Variants in OXCT1 observed in about 807,000 individuals in gnomAD.
OXCT1 encodes the protein 3-oxoacid CoA-transferase 1, also known as succinyl-CoA:3-ketoacid coenzyme A transferase 1, mitochondrial.
OXCT1 carries 27 observed loss-of-function variants against 69.6 expected under a neutral mutation model. The ratio of observed to expected loss-of-function variants is 0.39; its 90% CI spans 0.29 to 0.54. The LOEUF (loss-of-function observed/expected upper bound fraction) is 0.54, where lower values mean the gene tolerates loss of function less well. Among genes scored for constraint, OXCT1 ranks in the 20% least tolerant of loss-of-function variants. The probability of loss-of-function intolerance (pLI) is 0.72; values close to 1 mark genes in which losing one functional copy is unlikely to be tolerated. For missense variants in OXCT1, 437 were observed against 650.2 expected (o/e 0.67, Z 3.57); for synonymous variants, 202 against 217.8 (o/e 0.93, Z 0.64).
chr5:41,821,679 A>G (rs1283648313), intron 7 of OXCT1, among the ~76,000 whole-genome samples: 1 of 152,166 alleles, frequency 6.6e-6, no homozygotes. Context: ...TAGGTTTGCA[A>G]TTCCCTAATG....
In OXCT1 at chr5:41,840,466, T is replaced by C. The variant is rs374056102; in HGVS notation, c.717A>G (p.Glu239=). 1.9e-5 allele frequency: 31 copies of C among 1,612,902 alleles called. No individual in the cohort carries two copies. The highest frequency in any genetic ancestry group is 1.6e-4 in the East Asian group (7 of 44,822). The change falls in exon 7 of 17, where the codon GAA becomes GAG. Residue 239 remains glutamate (E), a synonymous_variant. Coordinates refer to ENST00000196371, the MANE Select transcript of OXCT1 (RefSeq NM_000436.4). ...AACCTCTTACCTCTACCACTGTGGT[T>C]TCTGCAGCTTTGCACATTGGCAAGT... The part of the protein sequence containing the change: ...NFNLPMCKAA[E]TTVVEVEEIV...
chr5:41,837,290 GTTCT>G (rs1748411296), intron 7 of OXCT1, among the ~76,000 whole-genome samples: 1 of 148,610 alleles, frequency 6.7e-6, no homozygotes, highest in South Asian at 2.2e-4. Flanking sequence ...TGAGCTAAGA[GTTCT>G]TTATTTAAGA....
intron 4 of OXCT1, among the ~76,000 whole-genome samples, chr5:41,852,925 G>A (rs760250421): frequency 1.9e-4 from 29 of 152,084 alleles, no homozygotes; most frequent in Admixed American, 1.0e-3. Flanking sequence ...GTAGCTGGGC[G>A]TGGTGGCACA....
In OXCT1 at chr5:41,731,736, G is replaced by A. The variant is rs1333324680; in HGVS notation, c.1556C>T (p.Ala519Val). Residue 519 changes from alanine (A) to valine (V), a missense_variant, in exon 17 of 17, where the codon GCA becomes GTA. Physicochemically the swap from Ala to Val is moderately conservative, Grantham distance 64. Transcript: ENST00000196371. Reference protein sequence around the residue: ...SPKLMPMQQIAN With the variant: ...SPKLMPMQQIVN ...GGTACAAATATCCATATTTCAATTT[G>A]CGATCTGCTGCATTGGCATGAGTTT... 2 of 1,608,752 alleles carry A rather than the reference G, an allele frequency of 1.2e-6. No individual in the cohort carries two copies. The highest frequency in any genetic ancestry group is 1.7e-6 in the Non-Finnish European group (2 of 1,177,496).
chr5:41,838,274 G>A lies in OXCT1; in HGVS notation c.732+2177C>T, dbSNP rs565641169. Among the ~76,000 whole-genome samples, 125 of 152,254 alleles carry A rather than the reference G, an allele frequency of 8.2e-4. 1 individual carries two copies. The highest frequency in any genetic ancestry group is 2.9e-3 in the African/African-American group (121 of 41,540). ...AAAGCCAAAACAGAGTTTCACATCA[G>A]AAAATGCCCAATCTAGGCACTAACC... On this transcript the variant is annotated intron_variant, in intron 7 of 16. Coordinates refer to ENST00000196371, the MANE Select transcript of OXCT1 (RefSeq NM_000436.4).
intron 13 of OXCT1, 64 bp downstream of exon 13, chr5:41,793,939 C>T (rs1746051669): frequency 1.0e-6 from 1 of 966,322 alleles, no homozygotes; most frequent in Non-Finnish European, 1.7e-6. Context: ...GGCCCTTTTT[C>T]TTAGTATTTA....
At chr5:41,849,409 C>T (rs1482955978) in intron 5 of OXCT1, among the ~76,000 whole-genome samples, 2 of 152,176 alleles carry the variant, frequency 1.3e-5, no homozygotes, top group African/African-American at 4.8e-5. Context: ...TTGAAATTTT[C>T]TCCAACCTGA....
At chr5:41,821,602 C>G (rs1747554220) in intron 7 of OXCT1, among the ~76,000 whole-genome samples, 1 of 152,210 alleles carries the variant, frequency 6.6e-6, no homozygotes, top group African/African-American at 2.4e-5. Flanking sequence ...TTTACATCCT[C>G]GTCAGCATTT....
At position 41,807,420 on chromosome 5, in the gene OXCT1, T is replaced by A; in HGVS notation, c.751A>T (p.Ile251Phe). The change falls in exon 8 of 17, where the codon ATT (isoleucine) becomes TTT (phenylalanine). Residue 251 changes from isoleucine (I) to phenylalanine (F), a missense_variant. Ile to Phe is a conservative substitution (Grantham distance 21). This residue lies in a region of OXCT1 where 252 missense variants were observed against 397.4 expected (regional missense o/e 0.63). Coordinates refer to ENST00000196371, the MANE Select transcript of OXCT1 (RefSeq NM_000436.4). ...ATGTCTTCTGGAGCAAATGCTCCAA[T>A]ATCCACAATTTCTTCAACCTAGACA... ...TVVEVEEIVD[I>F]GAFAPEDIHI... 6.3e-7 allele frequency: 1 copy of A among 1,593,798 alleles called. No homozygotes were observed. Among genetic ancestry groups the A allele is most frequent in the South Asian group, 1.1e-5 (1 of 90,676 alleles).
intron 16 of OXCT1, among the ~76,000 whole-genome samples, chr5:41,738,592 T>TA (rs1196051500): frequency 1.3e-5 from 2 of 152,200 alleles, no homozygotes; most frequent in African/African-American, 4.8e-5. Context: ...TACCCAATCT[T>TA]ATGCTGTCTT....
intron 7 of OXCT1, among the ~76,000 whole-genome samples, chr5:41,811,156 G>GTT (rs1746966648): frequency 6.6e-6 from 1 of 150,652 alleles, no homozygotes; most frequent in Non-Finnish European, 1.5e-5. Context: ...GAAGTTACAA[G>GTT]TTAAATGCAG....
In OXCT1 at chr5:41,805,660, CCT is replaced by C. The variant is rs1178376141; in HGVS notation, c.860_861del (p.Glu287GlyfsTer9). On this transcript the variant is annotated frameshift_variant, in exon 9 of 17. Coordinates refer to ENST00000196371, the MANE Select transcript of OXCT1 (RefSeq NM_000436.4). LOFTEE classifies it high-confidence loss of function. ...TTAGCAGATTTGGCTTCCCCATCTC[CCT>C]CTTTCCGGATTGATAAACGCTTTAA... Reference protein sequence around the residue: ...KRIERLSIRKEGDGEAKSAKP... With the variant: ...KRIERLSIRKXGDGEAKSAKP... The C allele has an allele frequency of 1.9e-6, 3 of 1,610,612 alleles. No individual in the cohort carries two copies.
intron 14 of OXCT1, among the ~76,000 whole-genome samples, chr5:41,754,494 T>A (rs1043633916): frequency 6.6e-5 from 10 of 152,076 alleles, no homozygotes; most frequent in Non-Finnish European, 8.8e-5. Flanking sequence ...TCACACCATA[T>A]GCCTATATCA....
chr5:41,819,152 C>T (rs529756184), intron 7 of OXCT1, among the ~76,000 whole-genome samples: 18 of 152,012 alleles, frequency 1.2e-4, no homozygotes, highest in South Asian at 4.2e-4. Flanking sequence ...TGAAATAAAT[C>T]GATAAGTAGG....
At chr5:41,826,880 G>A (rs1747831648) in intron 7 of OXCT1, among the ~76,000 whole-genome samples, 1 of 152,076 alleles carries the variant, frequency 6.6e-6, no homozygotes, top group African/African-American at 2.4e-5. Flanking sequence ...CACTCCAACA[G>A]GATCATCCCA....
chr5:41,757,714 C>A (rs1236741425), intron 14 of OXCT1, among the ~76,000 whole-genome samples: 1 of 152,098 alleles, frequency 6.6e-6, no homozygotes, highest in Non-Finnish European at 1.5e-5. Flanking sequence ...AACATTGGCT[C>A]ATTCATCTAT....
chr5:41,844,206 T>C (rs898370977), intron 5 of OXCT1, among the ~76,000 whole-genome samples: 4 of 152,206 alleles, frequency 2.6e-5, no homozygotes, highest in African/African-American at 9.6e-5. Context: ...CTAGCTATTA[T>C]ACTCACTTGA....
chr5:41,859,864 A>ACTATATATATAT (rs1749633869), intron 3 of OXCT1, among the ~76,000 whole-genome samples: 1 of 120,116 alleles, frequency 8.3e-6, no homozygotes, highest in Non-Finnish European at 1.8e-5. Context: ...CTAGTATAGT[A>ACTATATATATAT]ATATATATAT....
In OXCT1 at chr5:41,807,348, A is replaced by AT; in HGVS notation, c.822dup (p.Tyr275IlefsTer2). On this transcript the variant is annotated frameshift_variant, in exon 8 of 17. Coordinates refer to ENST00000196371, the MANE Select transcript of OXCT1 (RefSeq NM_000436.4). LOFTEE classifies it high-confidence loss of function. ...TCAATTACCTCAATTCTTTTCTCAT[A>AT]TTTTTCTCCCTTTATAAGGCGATGT... 6.4e-7 allele frequency: 1 copy of AT among 1,569,374 alleles called. No individual in the cohort carries two copies. The highest frequency in any genetic ancestry group is 8.8e-7 in the Non-Finnish European group (1 of 1,140,016).
Sources: allele counts gnomAD v4.1 joint callset (sites outside exome capture counted in the v4.1 genomes callset), GRCh38; gene constraint gnomAD v4.1.1; regional missense constraint gnomAD v4.1.1; transcripts MANE v1.5; gene names NCBI Gene and HGNC (gene_info 2026-07-23, HGNC 2026-07-21).